Variants in PASK observed in about 807,000 individuals in gnomAD.
PASK encodes the protein PAS domain-containing serine/threonine-protein kinase.
In PASK, 110 loss-of-function variants were observed where a neutral mutation model predicts 121.0. That is an observed-to-expected ratio of 0.91 (90% CI 0.78 to 1.06). The LOEUF (loss-of-function observed/expected upper bound fraction) is 1.06. PASK is among the 50% of genes least tolerant of loss of function. The pLI is 0.00. For missense variants in PASK, 1,643 were observed against 1,702.3 expected, an observed-to-expected ratio of 0.97 and a Z score of 0.61; for synonymous variants, 686 against 717.8, an observed-to-expected ratio of 0.96 and a Z score of 0.71.
chr2:241,133,373 A>C, intron 8 of PASK: 1 of 385,526 alleles, frequency 2.6e-6, no homozygotes, highest in South Asian at 2.2e-5. Context: ...TCACTCCTCC[A>C]GGTCTCTCCA....
chr2:241,138,690 C>T lies in PASK; in HGVS notation c.705G>A (p.Val235=). 6.2e-7 allele frequency: 1 copy of T among 1,614,166 alleles called. No individual in the cohort carries two copies. ...AAGCGACCCAGGTCGAGACCCTCTC[C>T]ACGGGCTCCAGGACCACCACGCAGC... The part of the protein sequence containing the change: ...RLCCVVVLEP[V]ERVSTWVAFQ... The change falls in exon 5 of 18, where the codon GTG becomes GTA. Residue 235 remains valine (V), a synonymous_variant. Coordinates refer to ENST00000234040, the MANE Select transcript of PASK (RefSeq NM_015148.4).
In PASK at chr2:241,139,909, G is replaced by A. The variant is rs201096352; in HGVS notation, c.576C>T (p.His192=). The change falls in exon 4 of 18, where the codon CAC becomes CAT. Residue 192 remains histidine, a synonymous_variant. Transcript: ENST00000234040. ...CCACCGTGCCAAACACCACCGCAGCGTGGCCGTCGGCCTCCATGTGCTCCT... is the reference window on the plus strand; with the variant it reads ...CCACCGTGCCAAACACCACCGCAGCATGGCCGTCGGCCTCCATGTGCTCCT... ...LSEEHMEADG[H]AAVVFGTVVD... is the part of the protein sequence containing the mutation. The A allele has an allele frequency of 8.7e-6, 14 of 1,614,116 alleles. No homozygotes were observed. Among genetic ancestry groups the A allele is most frequent in the African/African-American group, 2.7e-5 (2 of 75,046 alleles).
In PASK at chr2:241,112,326, C is replaced by G; in HGVS notation, c.3447G>C (p.Ser1149=). 1.2e-6 allele frequency: 2 copies of G among 1,613,474 alleles called. No homozygotes were observed. Among genetic ancestry groups the G allele is most frequent in the Non-Finnish European group, 1.7e-6 (2 of 1,179,754 alleles). Reference sequence around the variant, plus strand: ...ATTTTCCCCTTTCCAAGTAGGCGGCCGAGCCAAAGTCTATCAGCTTGATTG... The same window carrying G: ...ATTTTCCCCTTTCCAAGTAGGCGGCGGAGCCAAAGTCTATCAGCTTGATTG... The part of the protein sequence containing the change: ...DFTIKLIDFG[S]AAYLERGKLF... Residue 1149 remains serine (S), a synonymous_variant, in exon 15 of 18, where the codon TCG becomes TCC. Transcript: ENST00000234040. The surrounding 1 kb of genome is among the most constrained non-coding windows in gnomAD (Gnocchi z 5.2).
At chr2:241,137,913 C>T (rs201362494) in intron 6 of PASK, 40 bp downstream of exon 6, 2 of 1,610,960 alleles carry the variant, frequency 1.2e-6, no homozygotes, top group East Asian at 2.2e-5. Flanking sequence ...GAGCTAAGAA[C>T]TCCACCCCAT....
At chr2:241,107,585 C>G (rs565897518) in intron 16 of PASK, 86 bp from the exon 17 acceptor site, 36 of 1,315,770 alleles carry the variant, frequency 2.7e-5, no homozygotes, top group East Asian at 7.0e-5. Flanking sequence ...ACCACCCCCC[C>G]GCAGAGCCTC....
At position 241,137,080 on chromosome 2, in the gene PASK, T is replaced by A; in HGVS notation, c.1061A>T (p.Asp354Val). The A allele has an allele frequency of 1.2e-6, 2 of 1,613,470 alleles. No homozygotes were observed. The highest frequency in any genetic ancestry group is 1.6e-4 in the Middle Eastern group (1 of 6,062). The change falls in exon 7 of 18, where the codon GAT becomes GTT. Residue 354 changes from aspartate (D) to valine (V), a missense_variant. By Grantham distance (152) the Asp-to-Val change is radical. Transcript: ENST00000234040. The stretch of plus-strand genomic sequence containing the variant: ...GTGGTTGATGCCGTGGATGGTCCCA[T>A]CCGGCAGGAGGGTGATGAGGCCACT... The part of the protein sequence containing the change: ...TISGLITLLP[D>V]GTIHGINHSF...
intron 9 of PASK, among the ~76,000 whole-genome samples, chr2:241,131,757 C>T (rs1348315900): frequency 1.3e-5 from 2 of 152,036 alleles, no homozygotes; most frequent in Non-Finnish European, 2.9e-5. Context: ...GCATGCTGTG[C>T]ATAAGAAAAG....
intron 9 of PASK, among the ~76,000 whole-genome samples, chr2:241,132,321 G>A (rs1305718906): frequency 2.0e-5 from 3 of 151,404 alleles, no homozygotes; most frequent in Non-Finnish European, 2.9e-5. Flanking sequence ...TCAGGAAATC[G>A]AGACCATCCT....
At position 241,137,056 on chromosome 2, in the gene PASK, T is replaced by C; in HGVS notation, c.1085A>G (p.His362Arg). The C allele has an allele frequency of 1.2e-6, 2 of 1,613,484 alleles. No individual in the cohort carries two copies. The highest frequency in any genetic ancestry group is 1.7e-6 in the Non-Finnish European group (2 of 1,179,820). The change falls in exon 7 of 18, where the codon CAC becomes CGC. Residue 362 changes from histidine (H) to arginine (R), a missense_variant. By Grantham distance (29) the His-to-Arg change is conservative. Coordinates refer to ENST00000234040, the MANE Select transcript of PASK (RefSeq NM_015148.4). ...LPDGTIHGIN[H>R]SFALTLFGYG... ...ACCAAACAGTGTCAGCGCGAAGCTG[T>C]GGTTGATGCCGTGGATGGTCCCATC... is the stretch of plus-strand genomic sequence containing the variant.
rs2065131817 is a variant in PASK, at chr2:241,112,037, T to C, written c.3533+203A>G. On this transcript the variant is annotated intron_variant, in intron 15 of 17. Transcript: ENST00000234040. The surrounding 1 kb of genome is among the most constrained non-coding windows in gnomAD (Gnocchi z 5.2). Reference sequence around the variant, plus strand: ...AATAAAAGCTGAGAAAATAAAATTATTAACTCCTATATCCATCGCCCAGTG... The same window carrying C: ...AATAAAAGCTGAGAAAATAAAATTACTAACTCCTATATCCATCGCCCAGTG... 6.6e-6 allele frequency among the ~76,000 whole-genome samples: 1 copy of C among 152,160 alleles called. No homozygotes were observed. Among genetic ancestry groups the C allele is most frequent in the Non-Finnish European group, 1.5e-5 (1 of 68,024 alleles).
intron 14 of PASK, chr2:241,113,790 G>T: frequency 1.0e-6 from 1 of 985,492 alleles, no homozygotes; most frequent in Non-Finnish European, 1.2e-6. Flanking sequence ...CCAAGCCAGG[G>T]CTGTTCCCAG....
chr2:241,119,367 G>A (rs2065505307), intron 12 of PASK, among the ~76,000 whole-genome samples: 4 of 152,036 alleles, frequency 2.6e-5, no homozygotes, highest in African/African-American at 9.7e-5. Flanking sequence ...CTGGCTAGTT[G>A]GGCATCATGT....
At position 241,115,167 on chromosome 2, in the gene PASK, A is replaced by G; in HGVS notation, c.3209T>C (p.Ile1070Thr). ...CTGGAAGAACCCTTGGTTTTCAAAT[A>G]TATCCAATACCTAGGAAGAGACAAA... ...EHANIIKVLDIFENQGFFQLV... is the reference protein window; with the variant it reads ...EHANIIKVLDTFENQGFFQLV... Residue 1070 changes from isoleucine to threonine, a missense_variant, in exon 14 of 18, where the codon ATA becomes ACA. Ile to Thr is a moderately conservative substitution (Grantham distance 89, BLOSUM62 -1). Around this residue, in one of 3 missense-constraint regions of PASK, gnomAD observed 453 missense variants for 511.2 expected, o/e 0.89. Transcript: ENST00000234040. The G allele has an allele frequency of 6.2e-7, 1 of 1,614,058 alleles. No homozygotes were observed. The highest frequency in any genetic ancestry group is 2.2e-5 in the East Asian group (1 of 44,882).
At chr2:241,124,495 AC>A (rs1170409944) in intron 10 of PASK, among the ~76,000 whole-genome samples, 1 of 152,222 alleles carries the variant, frequency 6.6e-6, no homozygotes, top group East Asian at 1.9e-4. Context: ...CCTGCACTCA[AC>A]GTGCCCTACA....
chr2:241,129,050 T>C (rs2066008394), intron 9 of PASK, among the ~76,000 whole-genome samples: 1 of 151,754 alleles, frequency 6.6e-6, no homozygotes, highest in Non-Finnish European at 1.5e-5. Context: ...CCCATCTCTC[T>C]CTCCCCTGTA....
intron 1 of PASK, 50 bp from the exon 2 acceptor site, chr2:241,143,124 G>A: frequency 3.0e-6 from 3 of 984,556 alleles, no homozygotes; most frequent in Non-Finnish European, 4.8e-6. Context: ...AAAACACAAA[G>A]ACAGTTTAAC....
rs1427450518 is a variant in PASK at position 241,126,553 on chromosome 2, CCT to C, written c.2360_2361del (p.Gln787ArgfsTer7). 12 of 1,614,108 alleles carry C rather than the reference CCT, an allele frequency of 7.4e-6. No homozygotes were observed. Among genetic ancestry groups the C allele is most frequent in the Middle Eastern group, 1.6e-4 (1 of 6,084 alleles). On this transcript the variant is annotated frameshift_variant, in exon 10 of 18. Coordinates refer to ENST00000234040, the MANE Select transcript of PASK (RefSeq NM_015148.4). LOFTEE classifies it high-confidence loss of function. ...SDPDVGSLQE[Q>X]GSCVLDDREL... is the part of the protein sequence containing the mutation. ...TCCCTGTCATCCAGGACACACGACC[CCT>C]GTTCCTGGAGACTGCCTACATCTGG... is the stretch of plus-strand genomic sequence containing the variant.
At chr2:241,107,524 G>A (rs1194120278) in intron 16 of PASK, 25 bp from the exon 17 acceptor site, 3 of 1,612,306 alleles carry the variant, frequency 1.9e-6, no homozygotes, top group Non-Finnish European at 2.5e-6. Flanking sequence ...AACACAGATG[G>A]TAGGTCCAGA....
At chr2:241,116,121 CCATT>C (rs2065355875) in intron 12 of PASK, among the ~76,000 whole-genome samples, 1 of 147,546 alleles carries the variant, frequency 6.8e-6, no homozygotes, top group Admixed American at 6.7e-5. Flanking sequence ...CTCAAGCATC[CCATT>C]ACACCAGGGC....
Sources: gnomAD v4.1 joint callset for allele counts (sites outside exome capture counted in the v4.1 genomes callset) on GRCh38, gnomAD v4.1.1 for gene constraint, gnomAD v4.1.1 regional missense constraint, Gnocchi (gnomAD v3.1) non-coding constraint, MANE v1.5 for transcripts, NCBI Gene and HGNC (gene_info 2026-07-23, HGNC 2026-07-21) for gene names.